Variants in TENM1 observed in about 807,000 individuals in gnomAD.
TENM1 encodes teneurin-1.
A neutral mutation model predicts 174.8 loss-of-function variants in TENM1; 35 were observed. The observed-to-expected ratio is 0.20, with a 90% CI of 0.15 to 0.27. The LOEUF (loss-of-function observed/expected upper bound fraction) is 0.27, where lower values mean the gene tolerates loss of function less well. Among genes scored for constraint, TENM1 ranks in the 10% least tolerant of loss-of-function variants. The probability of loss-of-function intolerance (pLI) is 1.00; values close to 1 mark genes in which losing one functional copy is unlikely to be tolerated. For synonymous variants in TENM1, 781 were observed against 798.7 expected (o/e 0.98, Z 0.37); for missense variants, 1,633 against 2,130.1 (o/e 0.77, Z 4.59).
intron 5 of TENM1, among the ~76,000 whole-genome samples, chrX:124,682,279 T>C (rs1241493428): frequency 8.9e-6 from 1 of 111,824 alleles, no homozygotes; most frequent in Non-Finnish European, 1.9e-5. Context: ...ATCCCTAAGA[T>C]TTTAAAAGGT....
At chrX:124,720,587 C>T (rs2148519809) in intron 4 of TENM1, among the ~76,000 whole-genome samples, 1 of 112,232 alleles carries the variant, frequency 8.9e-6, no homozygotes, top group South Asian at 3.7e-4. Flanking sequence ...AAGGCTGTGT[C>T]ACCAGCGCAT....
At chrX:124,817,185 A>G (rs1299698204) in intron 3 of TENM1, among the ~76,000 whole-genome samples, 1 of 111,114 alleles carries the variant, frequency 9.0e-6, no homozygotes, top group African/African-American at 3.3e-5. Flanking sequence ...CATGGTTTCC[A>G]GCTTCATCCA....
chrX:124,389,062 A>C (rs1004885689), intron 28 of TENM1, among the ~76,000 whole-genome samples: 4 of 112,299 alleles, frequency 3.6e-5, no homozygotes, highest in Admixed American at 2.8e-4. Flanking sequence ...ATTAATGACC[A>C]CATAGAGAAA....
chrX:124,409,970 AT>A (rs1325073773), intron 25 of TENM1, among the ~76,000 whole-genome samples: 3 of 109,731 alleles, frequency 2.7e-5, no homozygotes, highest in Non-Finnish European at 5.7e-5. Context: ...ATTCAATGCC[AT>A]CCCCATCAAG....
chrX:124,719,709 GATAAACAAGGTAAGGTCAACGTCA>G (rs1197481576), intron 4 of TENM1, among the ~76,000 whole-genome samples: 1 of 111,693 alleles, frequency 9.0e-6, no homozygotes, highest in East Asian at 2.8e-4. Context: ...AGCACAGAGA[GATAAACAAGGTAAGGTCAACGTCA>G]AGAATATAGG....
At chrX:125,181,876 T>C in the TENM1 span, among the ~76,000 whole-genome samples, 4 of 111,900 alleles carry the variant, frequency 3.6e-5, no homozygotes, top group Admixed American at 3.8e-4. Context: ...AATTTCAGCA[T>C]GAAGAATGCC....
intron 4 of TENM1, among the ~76,000 whole-genome samples, chrX:124,721,561 G>C (rs2053309000): frequency 9.0e-6 from 1 of 111,639 alleles, no homozygotes; most frequent in Non-Finnish European, 1.9e-5. Context: ...TCTCCAGGCA[G>C]GGAAACTTAA....
the TENM1 span, among the ~76,000 whole-genome samples, chrX:125,099,021 G>T: frequency 8.9e-6 from 1 of 112,033 alleles, no homozygotes. Context: ...GGACATAAAC[G>T]TTTATTTCAG....
intron 22 of TENM1, among the ~76,000 whole-genome samples, chrX:124,468,393 G>A (rs1164298819): frequency 9.0e-6 from 1 of 111,336 alleles, no homozygotes; most frequent in African/African-American, 3.3e-5. Context: ...GGCCAGGCTG[G>A]TCTCGAACTC....
the TENM1 span, among the ~76,000 whole-genome samples, chrX:125,048,975 T>C: frequency 1.8e-5 from 2 of 111,966 alleles, no homozygotes; most frequent in African/African-American, 6.5e-5. Flanking sequence ...CCGATGTACA[T>C]ATAATTGTTG....
the TENM1 span, among the ~76,000 whole-genome samples, chrX:125,011,762 C>T: frequency 1.8e-5 from 2 of 111,484 alleles, no homozygotes; most frequent in Admixed American, 1.9e-4. Flanking sequence ...GTTTAACCAC[C>T]GTGGAAGACA....
intron 23 of TENM1, among the ~76,000 whole-genome samples, chrX:124,450,858 G>T (rs2061027590): frequency 8.9e-6 from 1 of 112,047 alleles, no homozygotes; most frequent in Non-Finnish European, 1.9e-5. Flanking sequence ...AAGGAAATTT[G>T]CTGGCATCTT....
intron 3 of TENM1, among the ~76,000 whole-genome samples, chrX:124,753,117 T>C (rs2054126226): frequency 9.1e-6 from 1 of 109,680 alleles, no homozygotes; most frequent in Admixed American, 9.6e-5. Flanking sequence ...TTCCTACCCA[T>C]GAGCATGGAA....
chrX:124,648,657 TTATCTAGCTTCC>T (rs1285708992), intron 8 of TENM1, among the ~76,000 whole-genome samples: 1 of 112,326 alleles, frequency 8.9e-6, no homozygotes, highest in East Asian at 2.8e-4. Context: ...TGTTTTCTAC[TTATCTAGCTTCC>T]TTGTACCAAG....
the TENM1 span, among the ~76,000 whole-genome samples, chrX:124,969,079 C>T: frequency 4.5e-5 from 5 of 111,614 alleles, no homozygotes; most frequent in African/African-American, 1.3e-4. Context: ...GTTATTTAGA[C>T]ATGATGATGA....
At chrX:124,570,051 A>C (rs1032987279) in intron 11 of TENM1, among the ~76,000 whole-genome samples, 1 of 111,789 alleles carries the variant, frequency 8.9e-6, no homozygotes, top group Non-Finnish European at 1.9e-5. Flanking sequence ...TGCTATACAT[A>C]GTACAAACAT....
chrX:124,933,866 T>C (rs930749321), intron 1 of TENM1, among the ~76,000 whole-genome samples: 51 of 112,120 alleles, frequency 4.5e-4, no homozygotes, highest in African/African-American at 1.6e-3. Flanking sequence ...ACTCTATAAT[T>C]TTTATAGAGC....
chrX:124,479,495 A>G (rs1436230526), intron 22 of TENM1, among the ~76,000 whole-genome samples: 2 of 111,784 alleles, frequency 1.8e-5, no homozygotes, highest in Non-Finnish European at 3.8e-5. Context: ...TTAGTTTAAT[A>G]TTAGCTTTGA....
At chrX:124,692,636 G>A (rs1383098700) in intron 5 of TENM1, among the ~76,000 whole-genome samples, 1 of 108,737 alleles carries the variant, frequency 9.2e-6, no homozygotes, top group Non-Finnish European at 1.9e-5. Flanking sequence ...CATGTTTAAA[G>A]TATTTTTCTA....
Sources: gnomAD v4.1 joint callset for allele counts (sites outside exome capture counted in the v4.1 genomes callset) on GRCh38, gnomAD v4.1.1 for gene constraint, MANE v1.5 for transcripts, NCBI Gene and HGNC (gene_info 2026-07-23, HGNC 2026-07-21) for gene names.